Variants in EIF2AK1 observed in about 807,000 individuals in gnomAD.
EIF2AK1 encodes eukaryotic translation initiation factor 2-alpha kinase 1.
EIF2AK1 carries 54 observed loss-of-function variants against 77.9 expected under a neutral mutation model. The ratio of observed to expected loss-of-function variants is 0.69; its 90% confidence interval spans 0.56 to 0.87. EIF2AK1 has a LOEUF of 0.87. Among genes scored for constraint, EIF2AK1 ranks in the 40% least tolerant of loss-of-function variants. The pLI is 0.00. For missense variants in EIF2AK1, 810 were observed against 768.6 expected (o/e 1.05, Z -0.64); for synonymous variants, 314 against 290.5 (o/e 1.08, Z -0.82).
rs778850668 is a variant in EIF2AK1, at chr7:6,028,923, C to A, written c.1442G>T (p.Gly481Val). The A allele has an allele frequency of 1.3e-6, 2 of 1,597,844 alleles. No homozygotes were observed. Among genetic ancestry groups the A allele is most frequent in the Admixed American group, 1.8e-5 (1 of 54,130 alleles). Reference sequence around the variant, plus strand: ...AAACAAAACCAAAAACTTACTCTTCCCGTTTCTGTTGGTCCAGTCTGTGTT... The same window carrying A: ...AAACAAAACCAAAAACTTACTCTTCACGTTTCTGTTGGTCCAGTCTGTGTT... ...QKNTDWTNRNGKRTPTHTSRV... is the reference protein window; with the variant it reads ...QKNTDWTNRNVKRTPTHTSRV... The change falls in exon 12 of 15, where the codon GGG becomes GTG. Residue 481 changes from glycine to valine, a missense_variant. Transcript: ENST00000199389.
chr7:6,047,860 TGGTCCCTTG>T (rs1024657335), intron 4 of EIF2AK1: 6 of 152,390 alleles, frequency 3.9e-5, no homozygotes, highest in African/African-American at 1.4e-4. Context: ...GGCAACCTGG[TGGTCCCTTG>T]CTCCTGGGAG....
At chr7:6,040,071 G>A (rs924493610) in intron 9 of EIF2AK1, among the ~76,000 whole-genome samples, 10 of 151,922 alleles carry the variant, frequency 6.6e-5, no homozygotes, top group African/African-American at 2.2e-4. Context: ...CAATTTTCAT[G>A]TTTTTAGTTT....
intron 11 of EIF2AK1, chr7:6,031,274 T>C: frequency 8.5e-7 from 1 of 1,173,118 alleles, no homozygotes; most frequent in Middle Eastern, 2.0e-4. Flanking sequence ...TCTCGACAAA[T>C]TCTAGAACAG....
chr7:6,024,730 G>T lies in EIF2AK1; in HGVS notation c.1836C>A (p.Asn612Lys), dbSNP rs762661581. ...KEIAELKKQL[N>K]LLSQDKGVRD... Reference sequence around the variant, plus strand: ...TCACCCCTTTGTCTTGAGAAAGGAGGTTTAGCTGCTTCTTTAGTTCTGCAA... The same window carrying T: ...TCACCCCTTTGTCTTGAGAAAGGAGTTTTAGCTGCTTCTTTAGTTCTGCAA... Residue 612 changes from asparagine (N) to lysine (K), a missense_variant, in exon 15 of 15, where the codon AAC becomes AAA. Physicochemically the swap from Asn to Lys is moderately conservative, Grantham distance 94. Around this residue, in one of 3 missense-constraint regions of EIF2AK1, gnomAD observed 549 missense variants for 533.7 expected, o/e 1.03. Transcript: ENST00000199389. 1.2e-6 allele frequency: 2 copies of T among 1,605,244 alleles called. No homozygotes were observed. The highest frequency in any genetic ancestry group is 1.7e-5 in the Admixed American group (1 of 57,424).
intron 14 of EIF2AK1, among the ~76,000 whole-genome samples, chr7:6,025,702 C>G (rs1787726052): frequency 6.6e-6 from 1 of 152,122 alleles, no homozygotes; most frequent in Non-Finnish European, 1.5e-5. Flanking sequence ...GTGGTGTGAT[C>G]TCAGCTCACT....
chr7:6,045,733 T>TTATATATACATATATA (rs1554321640), intron 6 of EIF2AK1, among the ~76,000 whole-genome samples: 1 of 138,024 alleles, frequency 7.2e-6, no homozygotes, highest in East Asian at 2.7e-4. Context: ...ATTTTAAAAA[T>TTATATATACATATATA]TATATATATA....
Position 6,023,170 on chromosome 7 carries a change from G to A in EIF2AK1, c.*1503C>T. 1 of 1,051,548 alleles carries A rather than the reference G, an allele frequency of 9.5e-7. No individual in the cohort carries two copies. Among genetic ancestry groups the A allele is most frequent in the East Asian group, 2.5e-5 (1 of 40,658 alleles). The allele number at this position is 1,051,548 out of a possible 1,614,324, so 65.1% of individuals were successfully genotyped here. ...CATCTTAGAGACAGACTGAAAATGT[G>A]ATGTTCTTCTTGAAAACACCCTTTC... is the stretch of plus-strand genomic sequence containing the variant. On this transcript the variant is annotated 3_prime_UTR_variant, in exon 15 of 15. Transcript: ENST00000199389.
chr7:6,056,598 G>GGAAAAA (rs1554324652), intron 1 of EIF2AK1, among the ~76,000 whole-genome samples: 3 of 48,816 alleles, frequency 6.1e-5, no homozygotes, highest in East Asian at 7.1e-4. Context: ...CATCTCAAGG[G>GGAAAAA]AAAAAAAAAA....
In EIF2AK1 at chr7:6,038,597, T is replaced by C; in HGVS notation, c.1194A>G (p.Arg398=). 6.2e-7 allele frequency: 1 copy of C among 1,613,114 alleles called. No homozygotes were observed. The highest frequency in any genetic ancestry group is 8.5e-7 in the Non-Finnish European group (1 of 1,179,574). ...ELSLWDWIVE[R]NKRGREYVDE... Reference sequence around the variant, plus strand: ...CCACATACTCCCGGCCCCGCTTGTTTCTCTCGACTATCCAATCCCACAGCG... The same window carrying C: ...CCACATACTCCCGGCCCCGCTTGTTCCTCTCGACTATCCAATCCCACAGCG... Residue 398 remains arginine, a synonymous_variant, in exon 10 of 15, where the codon AGA becomes AGG. Coordinates refer to ENST00000199389, the MANE Select transcript of EIF2AK1 (RefSeq NM_014413.4).
chr7:6,038,043 C>CA (rs1788154635), intron 10 of EIF2AK1, among the ~76,000 whole-genome samples: 1 of 151,878 alleles, frequency 6.6e-6, no homozygotes, highest in Non-Finnish European at 1.5e-5. Flanking sequence ...GCATATGGCC[C>CA]AAAAAATGTA....
chr7:6,048,822 C>G lies in EIF2AK1; in HGVS notation c.434G>C (p.Arg145Pro), dbSNP rs55971369. The change falls in exon 4 of 15, where the codon CGT (arginine) becomes CCT (proline). Residue 145 changes from arginine to proline, a missense_variant. Transcript: ENST00000199389. ...VRQDPCEDIS[R>P]IQKIRSREVA... ...TCACACATACCTGATTTTCTGGATA[C>G]GAGAAATATCCTCACAAGGATCCTA... 1 of 1,583,556 alleles carries G rather than the reference C, an allele frequency of 6.3e-7. No individual in the cohort carries two copies. Among genetic ancestry groups the G allele is most frequent in the Non-Finnish European group, 8.5e-7 (1 of 1,170,976 alleles).
In EIF2AK1 at chr7:6,050,503, A is replaced by C. The variant is rs1053336353; in HGVS notation, c.278-458T>G. On this transcript the variant is annotated intron_variant, in intron 2 of 14. Transcript: ENST00000199389. ...AGCCACCAGGCCCAGCCCTTAGATA[A>C]ATTTTTTTAAAAAGCGAAGAAACTT... Among the ~76,000 whole-genome samples the C allele has an allele frequency of 1.1e-4, 16 of 150,880 alleles. 1 individual carries two copies. Among genetic ancestry groups the C allele is most frequent in the Admixed American group, 9.9e-4 (15 of 15,108 alleles).
At chr7:6,055,676 TA>T (rs34819894) in intron 1 of EIF2AK1, among the ~76,000 whole-genome samples, 39,485 of 116,224 alleles carry the variant, frequency 0.34, 5,818 homozygotes, top group East Asian at 0.68. Context: ...ACTAAACAGG[TA>T]AAAAAAAAAA....
chr7:6,037,666 T>G, intron 10 of EIF2AK1, 142 bp from the exon 11 acceptor site: 1 of 665,994 alleles, frequency 1.5e-6, no homozygotes, highest in Non-Finnish European at 2.6e-6. Flanking sequence ...TGCTGCAGAA[T>G]GGTCTAAAAC....
At chr7:6,028,490 G>A (rs1787813481) in intron 13 of EIF2AK1, 125 bp downstream of exon 13, 2 of 837,574 alleles carry the variant, frequency 2.4e-6, no homozygotes, top group South Asian at 1.5e-5. Context: ...GACCTCCGGT[G>A]ATCCACCCAC....
At chr7:6,054,791 G>A in intron 1 of EIF2AK1, 87 bp from the exon 2 acceptor site, 1 of 1,308,734 alleles carries the variant, frequency 7.6e-7, no homozygotes, top group Non-Finnish European at 1.1e-6. Context: ...AATGAAACAT[G>A]AAATATTTAA....
At position 6,027,918 on chromosome 7, in the gene EIF2AK1, TG is replaced by T. The variant is rs1347069696; in HGVS notation, c.1530+696del. 4.4e-5 allele frequency: 20 copies of T among 452,818 alleles called. 1 individual carries two copies. Among genetic ancestry groups the T allele is most frequent in the Admixed American group, 2.8e-4 (12 of 42,158 alleles). The allele number at this position is 452,818 out of a possible 1,614,324, so 28.1% of individuals were successfully genotyped here. A position where few individuals can be genotyped will look rare whatever the true frequency, so the allele number is the denominator to read the frequency against. ...TCTACAAATAATTTTTTTTATTAGC[TG>T]GGTGTGGTAGCACAACTCTTGAAGT... On this transcript the variant is annotated intron_variant, in intron 13 of 14. Coordinates refer to ENST00000199389, the MANE Select transcript of EIF2AK1 (RefSeq NM_014413.4). This position sits in a 1 kb window ranked among gnomAD's most constrained non-coding sequence, Gnocchi z 4.5.
intron 11 of EIF2AK1, chr7:6,031,290 G>C: frequency 1.6e-6 from 2 of 1,287,608 alleles, no homozygotes; most frequent in South Asian, 1.3e-5. Context: ...AACAGTTCTA[G>C]AACTGAACTG....
Position 6,038,670 on chromosome 7 carries a change from G to C in EIF2AK1, c.1121C>G (p.Ala374Gly). The C allele has an allele frequency of 1.2e-6, 2 of 1,605,092 alleles. No individual in the cohort carries two copies. Among genetic ancestry groups the C allele is most frequent in the Non-Finnish European group, 1.7e-6 (2 of 1,176,208 alleles). Reference protein sequence around the residue: ...ENVNFLGQTEAQYHLMLHIQM... With the variant: ...ENVNFLGQTEGQYHLMLHIQM... ...GATGTGCAGCATCAGGTGGTACTGT[G>C]CCTAGGAGAGGACACAGTGATGGCT... Residue 374 changes from alanine (A) to glycine (G), a missense_variant and splice_region_variant, in exon 10 of 15, where the codon GCA (alanine) becomes GGA (glycine). Ala to Gly is a moderately conservative substitution (Grantham distance 60, BLOSUM62 0). Transcript: ENST00000199389.
Sources: gnomAD v4.1 joint callset for allele counts (sites outside exome capture counted in the v4.1 genomes callset) on GRCh38, gnomAD v4.1.1 for gene constraint, gnomAD v4.1.1 regional missense constraint, Gnocchi (gnomAD v3.1) non-coding constraint, MANE v1.5 for transcripts, NCBI Gene and HGNC (gene_info 2026-07-23, HGNC 2026-07-21) for gene names.